NPHP4: variants seen among roughly 807,000 people sequenced by gnomAD.
The protein encoded by NPHP4 is nephrocystin-4.
NPHP4 carries 151 observed loss-of-function variants against 155.8 expected under a neutral mutation model. The observed-to-expected ratio is 0.97, with a 90% confidence interval of 0.85 to 1.11. The LOEUF (loss-of-function observed/expected upper bound fraction) is 1.11. Ranked by LOEUF, NPHP4 falls within the 50% of genes least tolerant of loss-of-function variation. NPHP4 has a pLI of 0.00. For synonymous variants in NPHP4, 845 were observed against 816.8 expected (o/e 1.03, Z -0.59); for missense variants, 1,956 against 1,925.7 (o/e 1.02, Z -0.29).
intron 5 of NPHP4, among the ~76,000 whole-genome samples, chr1:5,964,917 T>TTATATATATA (rs4068402): frequency 1.6e-4 from 13 of 82,614 alleles, no homozygotes; most frequent in Non-Finnish European, 2.1e-4. Context: ...TACATATATA[T>TTATATATATA]TATATATATA....
intron 23 of NPHP4, 164 bp from the exon 24 acceptor site, chr1:5,868,060 TGCA>T: frequency 2.5e-6 from 2 of 798,756 alleles, no homozygotes; most frequent in South Asian, 2.9e-5. Context: ...GGACTGAGTC[TGCA>T]GCAGCAGGTC....
intron 16 of NPHP4, among the ~76,000 whole-genome samples, chr1:5,895,649 A>G (rs17028866): frequency 0.064 from 9,701 of 152,292 alleles, 1,039 homozygotes; most frequent in African/African-American, 0.22. Flanking sequence ...GGCCCCGGGC[A>G]GCGGCACCCG....
chr1:5,870,760 G>A (rs1641915649), intron 23 of NPHP4, among the ~76,000 whole-genome samples: 1 of 152,232 alleles, frequency 6.6e-6, no homozygotes, highest in African/African-American at 2.4e-5. Context: ...TGTCTGTGGA[G>A]GTCCTGCCCC....
At chr1:5,956,060 G>GGT (rs375998281) in intron 6 of NPHP4, among the ~76,000 whole-genome samples, 2 of 12,748 alleles carry the variant, frequency 1.6e-4, no homozygotes, top group Non-Finnish European at 8.2e-4. Context: ...TCAAAAAGCT[G>GGT]GGGGGGGGGG....
intron 19 of NPHP4, chr1:5,877,600 G>A (rs1053663541): frequency 3.6e-6 from 1 of 280,220 alleles, no homozygotes; most frequent in Non-Finnish European, 6.6e-6. Context: ...AGAAGGCCAC[G>A]TTCTAGAAGC....
chr1:5,945,613 T>C (rs978555906), intron 9 of NPHP4, among the ~76,000 whole-genome samples: 3 of 152,194 alleles, frequency 2.0e-5, no homozygotes, highest in Admixed American at 6.5e-5. Flanking sequence ...CTCTCCGGCC[T>C]GAGGCACACC....
chr1:5,964,935 A>ATTTTTTTTTTTTTTTTTTTTTT (rs1476774217), intron 5 of NPHP4, among the ~76,000 whole-genome samples: 1 of 31,970 alleles, frequency 3.1e-5, no homozygotes, highest in Non-Finnish European at 5.3e-5. Flanking sequence ...ATATATATAT[A>ATTTTTTTTTTTTTTTTTTTTTT]TATATATTTT....
chr1:5,907,054 A>C, intron 13 of NPHP4, 61 bp downstream of exon 13: 3 of 1,022,102 alleles, frequency 2.9e-6, no homozygotes, highest in Non-Finnish European at 4.2e-6. Context: ...AAAAACCCAA[A>C]ATGAGGAGCT....
intron 16 of NPHP4, among the ~76,000 whole-genome samples, chr1:5,894,147 C>T (rs1644279177): frequency 6.6e-6 from 1 of 152,198 alleles, no homozygotes; most frequent in African/African-American, 2.4e-5. Flanking sequence ...CTTGCCTCAG[C>T]ACCTGGTTGG....
intron 9 of NPHP4, among the ~76,000 whole-genome samples, chr1:5,938,994 C>T (rs934032792): frequency 5.9e-5 from 9 of 152,128 alleles, no homozygotes; most frequent in Non-Finnish European, 1.2e-4. Context: ...CTACTAAAAA[C>T]ATAATGCTAT....
intron 3 of NPHP4, among the ~76,000 whole-genome samples, chr1:5,974,134 T>A (rs1240095408): frequency 6.6e-6 from 1 of 152,242 alleles, no homozygotes. Flanking sequence ...TGGGAAATTA[T>A]AGCACGCTCA....
chr1:5,932,439 G>A (rs1646324214), intron 10 of NPHP4, among the ~76,000 whole-genome samples: 2 of 152,128 alleles, frequency 1.3e-5, no homozygotes, highest in South Asian at 4.1e-4. Context: ...CAGCCGAGCA[G>A]AAACTCTGCC....
At chr1:5,865,510 A>C in intron 26 of NPHP4, 2 of 458,948 alleles carry the variant, frequency 4.4e-6, no homozygotes, top group East Asian at 6.2e-5. Context: ...TCTCCCACCC[A>C]CAGCAGAGGC....
chr1:5,876,174 T>TA (rs1208108528), intron 20 of NPHP4: 2 of 150,328 alleles, frequency 1.3e-5, no homozygotes, highest in Non-Finnish European at 3.0e-5. Context: ...GAGCTAAGGT[T>TA]ATCCAGGCTA....
intron 11 of NPHP4, among the ~76,000 whole-genome samples, chr1:5,926,066 C>A (rs1304391041): frequency 6.6e-6 from 1 of 152,140 alleles, no homozygotes; most frequent in Non-Finnish European, 1.5e-5. Flanking sequence ...TGCATGCCTA[C>A]CACCCACCAC....
intron 16 of NPHP4, among the ~76,000 whole-genome samples, chr1:5,891,837 C>T (rs911016055): frequency 6.6e-6 from 1 of 152,212 alleles, no homozygotes; most frequent in Non-Finnish European, 1.5e-5. Flanking sequence ...GTCCTCTCCA[C>T]CCAGGCTCCA....
chr1:5,877,115 C>T lies in NPHP4; in HGVS notation c.2795G>A (p.Gly932Asp). ...TACCAACACGCTCGTCCCGCGCCGG[C>T]CCAAGTCTCCCCCGGCCTCCTGCAG... ...VRLQEAGGDLGRRGTSVLAQQ... is the reference protein window; with the variant it reads ...VRLQEAGGDLDRRGTSVLAQQ... The change falls in exon 20 of 30, where the codon GGC (glycine) becomes GAC (aspartate). Residue 932 changes from glycine to aspartate, a missense_variant. Coordinates refer to ENST00000378156, the MANE Select transcript of NPHP4 (RefSeq NM_015102.5). The T allele has an allele frequency of 6.3e-7, 1 of 1,583,694 alleles. No homozygotes were observed. Among genetic ancestry groups the T allele is most frequent in the Non-Finnish European group, 8.6e-7 (1 of 1,157,428 alleles).
intron 9 of NPHP4, among the ~76,000 whole-genome samples, chr1:5,938,001 C>A (rs911972479): frequency 2.0e-5 from 3 of 152,208 alleles, no homozygotes; most frequent in African/African-American, 7.2e-5. Flanking sequence ...ACCATCCACC[C>A]TGTGCACCAG....
intron 9 of NPHP4, among the ~76,000 whole-genome samples, chr1:5,943,307 C>T (rs548914275): frequency 6.6e-6 from 1 of 152,318 alleles, no homozygotes; most frequent in South Asian, 2.1e-4. Flanking sequence ...CCAATGACTA[C>T]AAAATACTCA....
Sources: gnomAD v4.1 joint callset for allele counts (sites outside exome capture counted in the v4.1 genomes callset) on GRCh38, gnomAD v4.1.1 for gene constraint, MANE v1.5 for transcripts, NCBI Gene and HGNC (gene_info 2026-07-23, HGNC 2026-07-21) for gene names.